The following WWOX variants were observed in gnomAD, a reference collection of about 807,000 sequenced individuals.
The protein encoded by WWOX is WW domain containing oxidoreductase, also known as WW domain-containing oxidoreductase.
A neutral mutation model predicts 46.2 loss-of-function variants in WWOX; 69 were observed. The observed-to-expected ratio is 1.49, with a 90% confidence interval of 1.23 to 1.82. The LOEUF is 1.82. WWOX is among the 40% of genes most tolerant of loss of function. WWOX has a pLI of 0.00. For missense variants in WWOX, 919 were observed against 542.6 expected, an observed-to-expected ratio of 1.69 and a Z score of -6.89; for synonymous variants, 359 against 202.6, an observed-to-expected ratio of 1.77 and a Z score of -6.56.
chr16:79,030,456 G>C (rs987925796), intron 8 of WWOX, among the ~76,000 whole-genome samples: 1 of 152,048 alleles, frequency 6.6e-6, no homozygotes, highest in Non-Finnish European at 1.5e-5. Context: ...TGATCTGCAC[G>C]GGCAATCCCA....
At chr16:78,953,943 T>C (rs2046114062) in intron 8 of WWOX, among the ~76,000 whole-genome samples, 1 of 152,212 alleles carries the variant, frequency 6.6e-6, no homozygotes, top group South Asian at 2.1e-4. Flanking sequence ...ATTTACAAAA[T>C]GCTGCTGAAT....
intron 8 of WWOX, among the ~76,000 whole-genome samples, chr16:79,116,869 C>A (rs144124107): frequency 6.6e-6 from 1 of 151,894 alleles, no homozygotes; most frequent in Non-Finnish European, 1.5e-5. Context: ...ATCTGTGGCA[C>A]CTGTAGGCTT....
rs139521249 is a variant in WWOX at position 78,828,940 on chromosome 16, G to A, written c.1057-382668G>A. Among the ~76,000 whole-genome samples the A allele has an allele frequency of 2.7e-3, 408 of 152,324 alleles. 2 individuals are homozygous for A. The highest frequency in any genetic ancestry group is 2.2e-3 in the Non-Finnish European group (152 of 68,036). On this transcript the variant is annotated intron_variant, in intron 8 of 8. Coordinates refer to ENST00000566780, the MANE Select transcript of WWOX (RefSeq NM_016373.4). ...AGAGATAAGGTAATCAAAACTTATAGAGGTTAAAGGGACTTGCCAAAGCGA... is the reference window on the plus strand; with the variant it reads ...AGAGATAAGGTAATCAAAACTTATAAAGGTTAAAGGGACTTGCCAAAGCGA...
intron 8 of WWOX, among the ~76,000 whole-genome samples, chr16:79,067,636 GC>G (rs1448383517): frequency 2.9e-4 from 36 of 124,668 alleles, no homozygotes; most frequent in African/African-American, 4.6e-4. Context: ...GGGGTGGGGG[GC>G]GGGGGGGGGC....
At chr16:78,458,858 C>T (rs986541488) in intron 8 of WWOX, among the ~76,000 whole-genome samples, 1 of 151,920 alleles carries the variant, frequency 6.6e-6, no homozygotes, top group Non-Finnish European at 1.5e-5. Flanking sequence ...GGACAGGAGA[C>T]TGTGGGATGA....
intron 8 of WWOX, among the ~76,000 whole-genome samples, chr16:79,038,625 C>G (rs1234176394): frequency 6.6e-6 from 1 of 152,180 alleles, no homozygotes; most frequent in Non-Finnish European, 1.5e-5. Context: ...TCTCAGCTCA[C>G]TGCAATGTCT....
intron 8 of WWOX, among the ~76,000 whole-genome samples, chr16:78,903,499 C>G (rs1159469819): frequency 6.6e-6 from 1 of 152,184 alleles, no homozygotes; most frequent in Non-Finnish European, 1.5e-5. Flanking sequence ...CAAAACCACT[C>G]AGAGGTACTT....
chr16:78,817,167 C>CTT (rs2051352789), intron 8 of WWOX, among the ~76,000 whole-genome samples: 1 of 56,048 alleles, frequency 1.8e-5, no homozygotes, highest in African/African-American at 6.5e-5. Context: ...AACATTAGTG[C>CTT]TATTCTTTTT....
At chr16:79,193,459 G>C (rs2051176962) in intron 8 of WWOX, among the ~76,000 whole-genome samples, 1 of 152,140 alleles carries the variant, frequency 6.6e-6, no homozygotes, top group Non-Finnish European at 1.5e-5. Context: ...TTTGCCACCG[G>C]GCAGTACTGC....
At chr16:79,008,388 G>T (rs1001190466) in intron 8 of WWOX, among the ~76,000 whole-genome samples, 1 of 152,148 alleles carries the variant, frequency 6.6e-6, no homozygotes, top group Non-Finnish European at 1.5e-5. Flanking sequence ...AACCAACTGC[G>T]TTCAGGCCTC....
intron 8 of WWOX, among the ~76,000 whole-genome samples, chr16:78,979,646 A>T (rs2046642566): frequency 6.6e-6 from 1 of 152,124 alleles, no homozygotes; most frequent in Non-Finnish European, 1.5e-5. Flanking sequence ...TGTTACTCAG[A>T]TGTCTCTAAG....
At chr16:78,742,339 G>C (rs1473034441) in intron 8 of WWOX, among the ~76,000 whole-genome samples, 1 of 152,186 alleles carries the variant, frequency 6.6e-6, no homozygotes, top group East Asian at 1.9e-4. Flanking sequence ...TCTGGTGAAG[G>C]GCAGCAGCAG....
At chr16:78,140,223 C>T (rs969848931) in intron 4 of WWOX, among the ~76,000 whole-genome samples, 13 of 152,188 alleles carry the variant, frequency 8.5e-5, no homozygotes, top group African/African-American at 3.1e-4. Context: ...GTGCCCGATA[C>T]AGTCCACCCC....
intron 8 of WWOX, among the ~76,000 whole-genome samples, chr16:78,522,064 C>A (rs779399718): frequency 6.6e-6 from 1 of 151,272 alleles, no homozygotes; most frequent in African/African-American, 2.4e-5. Context: ...GTTGCAAACC[C>A]ACGTCTGTCT....
intron 8 of WWOX, among the ~76,000 whole-genome samples, chr16:78,789,815 C>G (rs780531470): frequency 6.6e-6 from 1 of 152,178 alleles, no homozygotes; most frequent in Non-Finnish European, 1.5e-5. Flanking sequence ...TTTTCCCCCT[C>G]CAGCTGTAGG....
At chr16:78,692,343 C>T (rs543705381) in intron 8 of WWOX, among the ~76,000 whole-genome samples, 2 of 152,290 alleles carry the variant, frequency 1.3e-5, no homozygotes, top group East Asian at 3.9e-4. Flanking sequence ...TTAAAGAAAC[C>T]ATAGCTTCCT....
At chr16:78,538,495 C>T (rs573105346) in intron 8 of WWOX, among the ~76,000 whole-genome samples, 40 of 152,262 alleles carry the variant, frequency 2.6e-4, no homozygotes, top group African/African-American at 8.7e-4. Flanking sequence ...ATGACCTTTC[C>T]GTGCCTTTGT....
chr16:78,966,321 A>G (rs759466421), intron 8 of WWOX, among the ~76,000 whole-genome samples: 3 of 152,180 alleles, frequency 2.0e-5, no homozygotes, highest in Non-Finnish European at 2.9e-5. Context: ...CCAAATGGAA[A>G]ACAGTGCTTC....
intron 8 of WWOX, among the ~76,000 whole-genome samples, chr16:79,006,461 T>C (rs748476875): frequency 4.8e-4 from 73 of 151,558 alleles, no homozygotes; most frequent in Admixed American, 8.5e-4. Context: ...AAGCTGTAGA[T>C]AACAAAAATT....
Sources: allele counts gnomAD v4.1 joint callset (sites outside exome capture counted in the v4.1 genomes callset), GRCh38; gene constraint gnomAD v4.1.1; transcripts MANE v1.5; gene names NCBI Gene and HGNC (gene_info 2026-07-23, HGNC 2026-07-21).